The following CCDC110 variants were observed in gnomAD, a reference collection of about 807,000 sequenced individuals.
CCDC110 encodes the protein coiled-coil domain-containing protein 110.
A neutral mutation model predicts 77.1 loss-of-function variants in CCDC110; 70 were observed. The ratio of observed to expected loss-of-function variants is 0.91; its 90% CI spans 0.75 to 1.11. The LOEUF (loss-of-function observed/expected upper bound fraction) is 1.11. Among genes scored for constraint, CCDC110 ranks in the 50% least tolerant of loss-of-function variants. The pLI is 0.00. For missense variants in CCDC110, 868 were observed against 942.9 expected, an observed-to-expected ratio of 0.92 and a Z score of 1.04; for synonymous variants, 295 against 312.5, an observed-to-expected ratio of 0.94 and a Z score of 0.59.
At chr4:185,467,402 G>C (rs780556147) in intron 2 of CCDC110, among the ~76,000 whole-genome samples, 10 of 152,182 alleles carry the variant, frequency 6.6e-5, no homozygotes. Context: ...AGAATTACGT[G>C]ATTCTAGAAT....
Position 185,458,806 on chromosome 4 carries a change from T to C in CCDC110, c.1781A>G (p.Gln594Arg), listed in dbSNP as rs1356945716. The C allele has an allele frequency of 3.7e-6, 6 of 1,609,738 alleles. No homozygotes were observed. The highest frequency in any genetic ancestry group is 4.5e-5 in the East Asian group (2 of 44,734). Reference protein sequence around the residue: ...EKEMLEKKTHQLLKEKSSLGN... With the variant: ...EKEMLEKKTHRLLKEKSSLGN... ...AAGTGAGCTTTTTTCTTTTAGAAGC[T>C]GGTGTGTTTTTTTCTCTAACATTTC... Residue 594 changes from glutamine (Q) to arginine (R), a missense_variant, in exon 6 of 7, where the codon CAG (glutamine) becomes CGG (arginine). Coordinates refer to ENST00000307588, the MANE Select transcript of CCDC110 (RefSeq NM_152775.4).
chr4:185,449,724 G>C, intron 6 of CCDC110: 1 of 979,864 alleles, frequency 1.0e-6, no homozygotes, highest in Non-Finnish European at 1.5e-6. Flanking sequence ...AAAAATATAA[G>C]ATGTTATGGA....
Position 185,463,047 on chromosome 4 carries a change from A to T in CCDC110, c.118T>A (p.Tyr40Asn), listed in dbSNP as rs748995494. The change falls in exon 3 of 7, where the codon TAT becomes AAT. Residue 40 changes from tyrosine (Y) to asparagine (N), a missense_variant and splice_region_variant. Coordinates refer to ENST00000307588, the MANE Select transcript of CCDC110 (RefSeq NM_152775.4). ...VKESGCSDTEYGCIAESENQI... is the reference protein window; with the variant it reads ...VKESGCSDTENGCIAESENQI... ...TTTTCTGATTCTGCTATGCAGCCAT[A>T]TTCTAAGAAGCAAAATTGAAAAACC... 5.0e-6 allele frequency: 8 copies of T among 1,612,092 alleles called. No individual in the cohort carries two copies. The South Asian group carries it at 7.7e-5, about 16-fold the overall frequency.
intron 6 of CCDC110, among the ~76,000 whole-genome samples, chr4:185,445,871 C>T (rs537688752): frequency 8.2e-4 from 125 of 152,114 alleles, no homozygotes; most frequent in African/African-American, 2.8e-3. Context: ...GACGGAGTTT[C>T]GCTCTTATTG....
At chr4:185,466,167 A>G (rs2095655416) in intron 2 of CCDC110, among the ~76,000 whole-genome samples, 3 of 152,088 alleles carry the variant, frequency 2.0e-5, no homozygotes, top group Admixed American at 2.0e-4. Context: ...CGAGGTCAGG[A>G]GATCGAGACC....
At position 185,460,240 on chromosome 4, in the gene CCDC110, T is replaced by C. The variant is rs111250190; in HGVS notation, c.349-2A>G. On this transcript the variant is annotated splice_acceptor_variant, in intron 5 of 6. Coordinates refer to ENST00000307588, the MANE Select transcript of CCDC110 (RefSeq NM_152775.4). LOFTEE classifies it high-confidence loss of function. ...GTTTTCTTCTTGATTCTCTGTAGGCTGTAACAATAAGAAGTACACTATAAA... is the reference window on the plus strand; with the variant it reads ...GTTTTCTTCTTGATTCTCTGTAGGCCGTAACAATAAGAAGTACACTATAAA... 1.9e-6 allele frequency: 3 copies of C among 1,588,466 alleles called. No homozygotes were observed. The highest frequency in any genetic ancestry group is 8.5e-7 in the Non-Finnish European group (1 of 1,171,914).
intron 6 of CCDC110, among the ~76,000 whole-genome samples, chr4:185,455,349 T>C (rs1375281948): frequency 6.6e-6 from 1 of 152,218 alleles, no homozygotes; most frequent in Non-Finnish European, 1.5e-5. Context: ...ATTTTCATGG[T>C]ATATATTTAT....
rs1311544422 is a variant in CCDC110 at position 185,459,402 on chromosome 4, T to A, written c.1185A>T (p.Lys395Asn). Residue 395 changes from lysine to asparagine, a missense_variant, in exon 6 of 7, where the codon AAA (lysine) becomes AAT (asparagine). By Grantham distance (94) the Lys-to-Asn change is moderately conservative (BLOSUM62 0). Transcript: ENST00000307588. The part of the protein sequence containing the change: ...LDQTKHEMKD[K>N]ERQPFLVKQG... Reference sequence around the variant, plus strand: ...GTTTTACTAGAAATGGTTGTCTTTCTTTGTCTTTCATTTCATGTTTTGTTT... The same window carrying A: ...GTTTTACTAGAAATGGTTGTCTTTCATTGTCTTTCATTTCATGTTTTGTTT... The A allele has an allele frequency of 6.2e-7, 1 of 1,611,990 alleles. No individual in the cohort carries two copies. Among genetic ancestry groups the A allele is most frequent in the Non-Finnish European group, 8.5e-7 (1 of 1,178,900 alleles).
In CCDC110 at chr4:185,463,017, T is replaced by C; in HGVS notation, c.148A>G (p.Ile50Val). The change falls in exon 3 of 7, where the codon ATC becomes GTC. Residue 50 changes from isoleucine to valine, a missense_variant. Coordinates refer to ENST00000307588, the MANE Select transcript of CCDC110 (RefSeq NM_152775.4). ...ACTTTCAATGCTGATTGTGGTTGGA[T>C]TTGATTTTCTGATTCTGCTATGCAG... is the stretch of plus-strand genomic sequence containing the variant. ...YGCIAESENQ[I>V]QPQSALKVLQ... 1 of 1,613,814 alleles carries C rather than the reference T, an allele frequency of 6.2e-7. No individual in the cohort carries two copies. The highest frequency in any genetic ancestry group is 8.5e-7 in the Non-Finnish European group (1 of 1,179,718).
chr4:185,452,541 T>G (rs1328313205), intron 6 of CCDC110, among the ~76,000 whole-genome samples: 1 of 152,188 alleles, frequency 6.6e-6, no homozygotes, highest in Non-Finnish European at 1.5e-5. Context: ...CTTATCCTGC[T>G]TCTTCAGAGA....
chr4:185,445,846 T>C (rs1363187991), intron 6 of CCDC110, among the ~76,000 whole-genome samples: 3 of 152,118 alleles, frequency 2.0e-5, no homozygotes. Context: ...GTGTATTTCT[T>C]TTTTATTTTT....
Position 185,461,714 on chromosome 4 carries a change from C to T in CCDC110, c.238-555G>A, listed in dbSNP as rs142064988. Among the ~76,000 whole-genome samples, 449 of 152,322 alleles carry T rather than the reference C, an allele frequency of 2.9e-3. 5 individuals are homozygous for T. Among genetic ancestry groups the T allele is most frequent in the African/African-American group, 0.01 (419 of 41,560 alleles). On this transcript the variant is annotated intron_variant, in intron 4 of 6. Coordinates refer to ENST00000307588, the MANE Select transcript of CCDC110 (RefSeq NM_152775.4). ...TGAGTGCTAACTAGTCAGGGAACAG[C>T]GGCCACCTGACAGTGATTGGTTCAA...
At position 185,459,676 on chromosome 4, in the gene CCDC110, TTTAAGTTACCGTCCAA is replaced by T. The variant is rs1422514909; in HGVS notation, c.895_910del (p.Leu299MetfsTer4). ...AATTCTCTTTGATTTTATATCTTCATTTAAGTTACCGTCCAAGTTTTCTTCCTTAATAAAGTTCATT... is the reference window on the plus strand; with the variant it reads ...AATTCTCTTTGATTTTATATCTTCATGTTTTCTTCCTTAATAAAGTTCATT... On this transcript the variant is annotated frameshift_variant, in exon 6 of 7. Transcript: ENST00000307588. LOFTEE classifies it high-confidence loss of function. 3 of 1,612,190 alleles carry T rather than the reference TTTAAGTTACCGTCCAA, an allele frequency of 1.9e-6. No homozygotes were observed. The highest frequency in any genetic ancestry group is 2.5e-6 in the Non-Finnish European group (3 of 1,179,474).
At chr4:185,447,001 G>C (rs569676915) in intron 6 of CCDC110, among the ~76,000 whole-genome samples, 1 of 151,976 alleles carries the variant, frequency 6.6e-6, no homozygotes, top group Non-Finnish European at 1.5e-5. Flanking sequence ...TGCTGGTAAG[G>C]TTGTTCATTC....
intron 6 of CCDC110, chr4:185,452,240 C>G (rs977851689): frequency 1.7e-5 from 17 of 985,448 alleles, no homozygotes; most frequent in Admixed American, 1.2e-4. Context: ...TATCTACTCT[C>G]CTGTTATGAT....
chr4:185,449,265 A>C (rs2095624182), intron 6 of CCDC110, among the ~76,000 whole-genome samples: 1 of 152,280 alleles, frequency 6.6e-6, no homozygotes, highest in African/African-American at 2.4e-5. Flanking sequence ...GCTCGTGTGT[A>C]ATCTCAGCAC....
intron 1 of CCDC110, 40 bp from the exon 2 acceptor site, chr4:185,471,089 T>G: frequency 9.0e-6 from 5 of 556,690 alleles, no homozygotes; most frequent in South Asian, 8.3e-5. Context: ...TCGCGGGTCG[T>G]GGCGTGGCGG....
intron 2 of CCDC110, 47 bp downstream of exon 2, chr4:185,470,898 C>A (rs1402689127): frequency 4.4e-6 from 6 of 1,355,548 alleles, no homozygotes; most frequent in Non-Finnish European, 6.3e-6. Flanking sequence ...CCAGATGCTG[C>A]CGCCTGTGTA....
intron 6 of CCDC110, among the ~76,000 whole-genome samples, chr4:185,454,191 G>A (rs573270027): frequency 2.8e-4 from 42 of 152,216 alleles, no homozygotes; most frequent in African/African-American, 1.0e-3. Context: ...TAAGGTGGAG[G>A]TTAGTTACTT....
Sources: allele counts gnomAD v4.1 joint callset (sites outside exome capture counted in the v4.1 genomes callset), GRCh38; gene constraint gnomAD v4.1.1; transcripts MANE v1.5; gene names NCBI Gene and HGNC (gene_info 2026-07-23, HGNC 2026-07-21).